Variants in CD163L1 observed in about 807,000 individuals in gnomAD.
The protein encoded by CD163L1 is CD163 molecule like 1, also known as scavenger receptor cysteine-rich type 1 protein M160.
A neutral mutation model predicts 165.4 loss-of-function variants in CD163L1; 124 were observed. The ratio of observed to expected loss-of-function variants is 0.75; its 90% CI spans 0.65 to 0.87. The LOEUF (loss-of-function observed/expected upper bound fraction) is 0.87, where lower values mean the gene tolerates loss of function less well. Ranked by LOEUF, CD163L1 falls within the 40% of genes least tolerant of loss-of-function variation. The probability of loss-of-function intolerance (pLI) is 0.00; values close to 1 mark genes in which losing one functional copy is unlikely to be tolerated. For synonymous variants in CD163L1, 585 were observed against 662.2 expected (o/e 0.88, Z 1.79); for missense variants, 1,525 against 1,799.9 (o/e 0.85, Z 2.76).
At chr12:7,324,360 T>C in the CD163L1 span, 1 of 1,614,158 alleles carries the variant, frequency 6.2e-7, no homozygotes, top group Non-Finnish European at 8.5e-7. Context: ...TGGGTATTTC[T>C]GGTTTGTCGG....
chr12:7,357,861 C>A (rs1328016090), intron 18 of CD163L1, among the ~76,000 whole-genome samples: 2 of 151,972 alleles, frequency 1.3e-5, no homozygotes, highest in African/African-American at 4.8e-5. Flanking sequence ...GGAATTGTTC[C>A]ATTTTTGGCA....
At chr12:7,396,873 A>AG (rs758915362) in intron 7 of CD163L1, among the ~76,000 whole-genome samples, 21,628 of 152,042 alleles carry the variant, frequency 0.14, 1,854 homozygotes, top group Admixed American at 0.28. Flanking sequence ...AGAGAGAGAG[A>AG]AGAGAGGCTC....
intron 6 of CD163L1, among the ~76,000 whole-genome samples, chr12:7,403,046 C>T (rs1308344883): frequency 6.6e-6 from 1 of 151,960 alleles, no homozygotes; most frequent in Non-Finnish European, 1.5e-5. Context: ...TTCAATTCTA[C>T]TAATGACATT....
downstream of CD163L1, among the ~76,000 whole-genome samples, chr12:7,344,584 C>T (rs1234644824): frequency 6.6e-6 from 1 of 152,222 alleles, no homozygotes; most frequent in Non-Finnish European, 1.5e-5. Context: ...CCCACAACTG[C>T]ACTCAGCAGT....
intron 18 of CD163L1, among the ~76,000 whole-genome samples, chr12:7,365,773 A>G (rs1050716257): frequency 1.3e-5 from 2 of 152,156 alleles, no homozygotes; most frequent in African/African-American, 4.8e-5. Flanking sequence ...GATGCTGGCA[A>G]GGATATGAAG....
the CD163L1 span, among the ~76,000 whole-genome samples, chr12:7,340,864 T>C: frequency 1.3e-5 from 2 of 152,204 alleles, no homozygotes; most frequent in Non-Finnish European, 2.9e-5. Flanking sequence ...TTCTGCAAGT[T>C]GGTGTATGAG....
At chr12:7,385,543 A>G (rs1404509053) in intron 8 of CD163L1, among the ~76,000 whole-genome samples, 6 of 152,090 alleles carry the variant, frequency 3.9e-5, no homozygotes, top group African/African-American at 1.2e-4. Context: ...TTCACTCAAC[A>G]GCTGTAGAAT....
chr12:7,359,687 G>T (rs747645058), intron 18 of CD163L1, among the ~76,000 whole-genome samples: 13 of 152,126 alleles, frequency 8.5e-5, no homozygotes, highest in African/African-American at 2.9e-4. Context: ...CATTAGAGAA[G>T]AAATAAATAC....
intron 4 of CD163L1, among the ~76,000 whole-genome samples, chr12:7,430,010 G>C (rs2136624651): frequency 6.6e-6 from 1 of 152,088 alleles, no homozygotes; most frequent in South Asian, 2.1e-4. Context: ...TCTACCCTTG[G>C]AGGCCACCAA....
the CD163L1 span, among the ~76,000 whole-genome samples, chr12:7,331,367 C>A: frequency 2.0e-5 from 3 of 152,370 alleles, no homozygotes; most frequent in South Asian, 4.1e-4. Flanking sequence ...GGGCAGGGCA[C>A]AGACAAACAA....
chr12:7,370,563 A>C (rs755059994), intron 14 of CD163L1, among the ~76,000 whole-genome samples: 3 of 152,150 alleles, frequency 2.0e-5, no homozygotes, highest in Non-Finnish European at 4.4e-5. Flanking sequence ...TTTGGCTTCT[A>C]TTCAAAAGGG....
chr12:7,379,530 G>T (rs2136443536), intron 8 of CD163L1, among the ~76,000 whole-genome samples: 1 of 152,196 alleles, frequency 6.6e-6, no homozygotes, highest in African/African-American at 2.4e-5. Flanking sequence ...TTCAATCCAT[G>T]AACATTTCTG....
At chr12:7,337,549 G>A in the CD163L1 span, among the ~76,000 whole-genome samples, 1 of 152,038 alleles carries the variant, frequency 6.6e-6, no homozygotes. Context: ...CATTTATGCA[G>A]CCAACAAACA....
chr12:7,438,239 A>T (rs187703108), intron 2 of CD163L1, among the ~76,000 whole-genome samples: 1 of 152,302 alleles, frequency 6.6e-6, no homozygotes, highest in East Asian at 1.9e-4. Context: ...GGATGAAAAA[A>T]ATGATGTTTT....
At chr12:7,424,993 T>A (rs1948515697) in intron 4 of CD163L1, among the ~76,000 whole-genome samples, 1 of 152,174 alleles carries the variant, frequency 6.6e-6, no homozygotes, top group Admixed American at 6.6e-5. Flanking sequence ...TACGTTAAAA[T>A]TCATATGGAA....
At chr12:7,395,693 AACAATG>A (rs1232844321) in intron 8 of CD163L1, among the ~76,000 whole-genome samples, 1 of 152,214 alleles carries the variant, frequency 6.6e-6, no homozygotes, top group Non-Finnish European at 1.5e-5. Flanking sequence ...TCTTTCAGGT[AACAATG>A]AGTATTTGAG....
At chr12:7,434,482 C>A (rs753918704) in intron 2 of CD163L1, among the ~76,000 whole-genome samples, 1 of 151,994 alleles carries the variant, frequency 6.6e-6, no homozygotes. Context: ...TTTTGAGGAA[C>A]AGACAATAAA....
chr12:7,439,745 C>A (rs1948788488), intron 2 of CD163L1: 1 of 1,612,260 alleles, frequency 6.2e-7, no homozygotes. Flanking sequence ...GATGTATAGC[C>A]TTTCCAGCGA....
chr12:7,359,064 A>T (rs1436733775), intron 18 of CD163L1, among the ~76,000 whole-genome samples: 1 of 152,152 alleles, frequency 6.6e-6, no homozygotes, highest in Admixed American at 6.5e-5. Context: ...AGAGAAAAGA[A>T]TAAAAAAGAC....
Sources: allele counts gnomAD v4.1 joint callset (sites outside exome capture counted in the v4.1 genomes callset), GRCh38; gene constraint gnomAD v4.1.1; transcripts MANE v1.5; gene names NCBI Gene and HGNC (gene_info 2026-07-23, HGNC 2026-07-21).